The following KCMF1 variants were observed in gnomAD, a reference collection of about 807,000 sequenced individuals.
KCMF1 encodes the protein E3 ubiquitin-protein ligase KCMF1.
KCMF1 carries 3 observed loss-of-function variants against 41.1 expected under a neutral mutation model. That is an observed-to-expected ratio of 0.07 (90% CI 0.03 to 0.19). The LOEUF is 0.19. KCMF1 is among the 10% of genes least tolerant of loss of function. The probability of loss-of-function intolerance (pLI) is 1.00; values close to 1 mark genes in which losing one functional copy is unlikely to be tolerated. For missense variants in KCMF1, 286 were observed against 488.9 expected, an observed-to-expected ratio of 0.58 and a Z score of 3.91; for synonymous variants, 142 against 164.5, an observed-to-expected ratio of 0.86 and a Z score of 1.04.
At chr2:85,041,709 T>TC (rs1300670153) in intron 3 of KCMF1, among the ~76,000 whole-genome samples, 1 of 152,060 alleles carries the variant, frequency 6.6e-6, no homozygotes, top group African/African-American at 2.4e-5. Flanking sequence ...GGTAGCTTGT[T>TC]TTATTTTTAA....
At position 85,057,582 on chromosome 2, in the gene KCMF1, T is replaced by G. The variant is rs1675965224; in HGVS notation, c.*4173T>G. ...CCAAAGCCAAATTCAAGTGACTGTT[T>G]TTCTGAATAGTATAAAAATCTAATT... is the stretch of plus-strand genomic sequence containing the variant. On this transcript the variant is annotated 3_prime_UTR_variant, in exon 7 of 7. Transcript: ENST00000409785. 6.6e-6 allele frequency: 1 copy of G among 152,254 alleles called. No homozygotes were observed. The highest frequency in any genetic ancestry group is 2.1e-4 in the South Asian group (1 of 4,834). 9.4% of individuals were successfully genotyped at this position (152,254 alleles called of 1,614,324 possible). A position where few individuals can be genotyped will look rare whatever the true frequency, so the allele number is the denominator to read the frequency against.
At chr2:84,973,075 C>T (rs1673444528) in intron 1 of KCMF1, among the ~76,000 whole-genome samples, 2 of 152,180 alleles carry the variant, frequency 1.3e-5, no homozygotes, top group African/African-American at 4.8e-5. Context: ...AAACTGTAGT[C>T]CTGTGTACAT....
In KCMF1 at chr2:84,981,350, C is replaced by T. The variant is rs555211890; in HGVS notation, c.16+9883C>T. ...GACTACAGGCACCTGCCACCGCTCC[C>T]GGCTAATTTTTTGTATTTTTAGTAG... On this transcript the variant is annotated intron_variant, in intron 1 of 6. Transcript: ENST00000409785. 1.6e-4 allele frequency among the ~76,000 whole-genome samples: 25 copies of T among 152,078 alleles called. 1 individual carries two copies. The Middle Eastern group carries it at 0.017, about 103-fold the overall frequency.
intron 6 of KCMF1, among the ~76,000 whole-genome samples, chr2:85,050,809 T>C (rs1173541198): frequency 6.6e-6 from 1 of 152,258 alleles, no homozygotes; most frequent in African/African-American, 2.4e-5. Context: ...TTTTATCTCA[T>C]ACTCTGTTAA....
chr2:85,042,547 T>G (rs1438654350), intron 3 of KCMF1, among the ~76,000 whole-genome samples: 2 of 152,204 alleles, frequency 1.3e-5, no homozygotes, highest in African/African-American at 4.8e-5. Flanking sequence ...ATCTTTAACC[T>G]TCTTATTTAT....
At chr2:85,016,456 A>G (rs948208236) in intron 1 of KCMF1, among the ~76,000 whole-genome samples, 8 of 151,940 alleles carry the variant, frequency 5.3e-5, no homozygotes, top group African/African-American at 1.9e-4. Flanking sequence ...GACAAACCCT[A>G]GAGTTTCTTT....
chr2:85,044,418 A>C (rs1382073765), intron 4 of KCMF1, among the ~76,000 whole-genome samples: 2 of 151,890 alleles, frequency 1.3e-5, no homozygotes, highest in East Asian at 3.9e-4. Flanking sequence ...TCTGTCAGCC[A>C]GGCTGGAGTA....
intron 1 of KCMF1, among the ~76,000 whole-genome samples, chr2:85,023,317 C>CTTTTT (rs551221633): frequency 1.6e-5 from 2 of 125,194 alleles, no homozygotes; most frequent in African/African-American, 3.1e-5. Context: ...TCTGAATAGC[C>CTTTTT]TTTTTTTTTT....
intron 1 of KCMF1, among the ~76,000 whole-genome samples, chr2:85,005,664 T>A (rs983427821): frequency 1.3e-5 from 2 of 152,188 alleles, no homozygotes; most frequent in Middle Eastern, 3.2e-3. Flanking sequence ...TTTGCTTTTT[T>A]ATTTTTTTAT....
intron 1 of KCMF1, among the ~76,000 whole-genome samples, chr2:84,984,463 A>T (rs1028912344): frequency 6.6e-6 from 1 of 151,658 alleles, no homozygotes; most frequent in Non-Finnish European, 1.5e-5. Flanking sequence ...TTCACCTTAA[A>T]ATTATTTTTT....
chr2:84,974,236 A>C (rs1673473587), intron 1 of KCMF1, among the ~76,000 whole-genome samples: 1 of 152,172 alleles, frequency 6.6e-6, no homozygotes, highest in Non-Finnish European at 1.5e-5. Flanking sequence ...ACTGGATATA[A>C]TAGTCTGGTA....
At chr2:84,985,190 G>A (rs1016375254) in intron 1 of KCMF1, among the ~76,000 whole-genome samples, 80 of 152,184 alleles carry the variant, frequency 5.3e-4, no homozygotes, top group African/African-American at 1.8e-3. Context: ...GGGTGGAAAG[G>A]GGTAGGAAGT....
At chr2:85,024,714 A>G (rs1032891532) in intron 1 of KCMF1, among the ~76,000 whole-genome samples, 1 of 152,026 alleles carries the variant, frequency 6.6e-6, no homozygotes, top group Non-Finnish European at 1.5e-5. Flanking sequence ...GTTCTTTTGA[A>G]TCCGTCTTTA....
chr2:84,993,458 C>T (rs1442080209), intron 1 of KCMF1, among the ~76,000 whole-genome samples: 2 of 151,940 alleles, frequency 1.3e-5, no homozygotes, highest in Admixed American at 6.6e-5. Context: ...TTGTATGGAC[C>T]GAGATTAACA....
At chr2:85,004,483 G>A (rs1018564697) in intron 1 of KCMF1, among the ~76,000 whole-genome samples, 1 of 151,850 alleles carries the variant, frequency 6.6e-6, no homozygotes, top group Non-Finnish European at 1.5e-5. Context: ...CTGCACTCCA[G>A]CCTGGGCGAC....
intron 2 of KCMF1, among the ~76,000 whole-genome samples, chr2:85,029,207 A>G (rs1346182672): frequency 6.6e-6 from 1 of 151,552 alleles, no homozygotes; most frequent in Non-Finnish European, 1.5e-5. Flanking sequence ...CAAGTTATCC[A>G]CCTGCCTTCG....
chr2:85,000,023 A>T (rs948161362), intron 1 of KCMF1, among the ~76,000 whole-genome samples: 3 of 148,002 alleles, frequency 2.0e-5, no homozygotes, highest in Non-Finnish European at 4.4e-5. Flanking sequence ...ACTTCAGGGG[A>T]CATTAAAAAA....
At chr2:85,013,985 G>A (rs1000437294) in intron 1 of KCMF1, 27 of 152,158 alleles carry the variant, frequency 1.8e-4, no homozygotes, top group African/African-American at 6.5e-4. Context: ...GTATATGATG[G>A]GAAGGCTTTC....
At chr2:85,003,616 TTTTG>T (rs748135937) in intron 1 of KCMF1, among the ~76,000 whole-genome samples, 6 of 152,112 alleles carry the variant, frequency 3.9e-5, no homozygotes, top group Non-Finnish European at 7.3e-5. Context: ...ATTTTTAATT[TTTTG>T]TTTGTTTGTT....
Sources: gnomAD v4.1 joint callset for allele counts (sites outside exome capture counted in the v4.1 genomes callset) on GRCh38, gnomAD v4.1.1 for gene constraint, MANE v1.5 for transcripts, NCBI Gene and HGNC (gene_info 2026-07-23, HGNC 2026-07-21) for gene names.